Variants in MERTK observed in about 807,000 individuals in gnomAD.
The protein encoded by MERTK is MER proto-oncogene, tyrosine kinase.
Under a neutral mutation model 99.3 loss-of-function variants are expected in MERTK, and 69 were observed. The observed-to-expected ratio is 0.70, with a 90% CI of 0.57 to 0.85. MERTK has a LOEUF of 0.85. Among genes scored for constraint, MERTK ranks in the 40% least tolerant of loss-of-function variants. MERTK has a pLI of 0.00. For synonymous variants in MERTK, 426 were observed against 467.6 expected (o/e 0.91, Z 1.15); for missense variants, 1,125 against 1,249.4 (o/e 0.90, Z 1.50).
At chr2:111,963,626 C>G (rs1164554919) in intron 4 of MERTK, among the ~76,000 whole-genome samples, 3 of 152,216 alleles carry the variant, frequency 2.0e-5, no homozygotes, top group African/African-American at 7.2e-5. Context: ...AGCCCTTAAT[C>G]CATTTAACCC....
chr2:111,957,128 C>T (rs1041419942), intron 4 of MERTK, among the ~76,000 whole-genome samples: 1 of 151,766 alleles, frequency 6.6e-6, no homozygotes, highest in African/African-American at 2.4e-5. Flanking sequence ...GGGGTTTCAC[C>T]GTGTTAGCCA....
At chr2:111,988,420 G>A (rs558718066) in intron 8 of MERTK, among the ~76,000 whole-genome samples, 1 of 152,156 alleles carries the variant, frequency 6.6e-6, no homozygotes, top group Non-Finnish European at 1.5e-5. Context: ...GGTCAAATAA[G>A]CTTCTTGGTT....
chr2:111,944,083 A>G (rs1455325238), intron 2 of MERTK, among the ~76,000 whole-genome samples: 1 of 151,992 alleles, frequency 6.6e-6, no homozygotes. Context: ...TGGATCCCCT[A>G]AGGTCAGAAG....
At position 111,997,466 on chromosome 2, in the gene MERTK, A is replaced by G. The variant is rs866004183; in HGVS notation, c.1594A>G (p.Thr532Ala). ...GGCCATCAGAAAAAGAGTCCAGGAGACAAAGTTTGGGTAAGTCTCCCAGCT... is the reference window on the plus strand; with the variant it reads ...GGCCATCAGAAAAAGAGTCCAGGAGGCAAAGTTTGGGTAAGTCTCCCAGCT... Reference protein sequence around the residue: ...SLAIRKRVQETKFGNAFTEED... With the variant: ...SLAIRKRVQEAKFGNAFTEED... Residue 532 changes from threonine to alanine, a missense_variant, in exon 10 of 19, where the codon ACA becomes GCA. Transcript: ENST00000295408. The G allele has an allele frequency of 1.2e-6, 2 of 1,613,956 alleles. No homozygotes were observed. The highest frequency in any genetic ancestry group is 2.7e-5 in the African/African-American group (2 of 75,028).
rs1017027750 is a variant in MERTK, at chr2:111,907,799, A to G, written c.61+9003A>G. On this transcript the variant is annotated intron_variant, in intron 1 of 18. Transcript: ENST00000295408. ...TTTGTGATATAAACTGTAGAATGCA[A>G]CGCTCTTAAATATTCTGGCTGGGAA... Among the ~76,000 whole-genome samples, 5 of 152,368 alleles carry G rather than the reference A, an allele frequency of 3.3e-5. No individual in the cohort carries two copies. The South Asian group carries it at 6.2e-4, about 19-fold the overall frequency.
intron 2 of MERTK, among the ~76,000 whole-genome samples, chr2:111,935,978 G>A (rs529079618): frequency 2.4e-4 from 37 of 151,982 alleles, no homozygotes; most frequent in African/African-American, 8.0e-4. Flanking sequence ...GTGCAGTGGC[G>A]TAATCTCAGC....
intron 1 of MERTK, among the ~76,000 whole-genome samples, chr2:111,903,170 C>G (rs1194801393): frequency 6.6e-6 from 1 of 152,214 alleles, no homozygotes; most frequent in Non-Finnish European, 1.5e-5. Context: ...ACTGCTAACA[C>G]AGCATGGAGC....
intron 11 of MERTK, 111 bp from the exon 12 acceptor site, chr2:112,002,981 A>C: frequency 1.6e-6 from 1 of 639,682 alleles, no homozygotes; most frequent in East Asian, 3.3e-5. Flanking sequence ...TCAATAAATA[A>C]ATAAATAAAT....
At chr2:112,014,319 C>T (rs2104417161) in intron 15 of MERTK, among the ~76,000 whole-genome samples, 1 of 152,190 alleles carries the variant, frequency 6.6e-6, no homozygotes, top group African/African-American at 2.4e-5. Context: ...CCGTGCCCGG[C>T]CATGCCTGGC....
intron 18 of MERTK, among the ~76,000 whole-genome samples, chr2:112,025,533 C>A (rs576622977): frequency 5.9e-5 from 9 of 152,264 alleles, no homozygotes; most frequent in African/African-American, 2.2e-4. Flanking sequence ...ATTGATGTAT[C>A]CCTCCCTCCA....
At chr2:111,968,298 G>A in intron 6 of MERTK, 46 bp downstream of exon 6, 2 of 1,483,614 alleles carry the variant, frequency 1.3e-6, no homozygotes, top group Non-Finnish European at 1.9e-6. Flanking sequence ...GGTGCTCTCT[G>A]TGGGTTTAAG....
chr2:111,907,386 C>T (rs1207420463), intron 1 of MERTK, among the ~76,000 whole-genome samples: 2 of 152,198 alleles, frequency 1.3e-5, no homozygotes, highest in Non-Finnish European at 2.9e-5. Context: ...TGCACTCCAG[C>T]CTGGGCAATA....
intron 18 of MERTK, among the ~76,000 whole-genome samples, chr2:112,028,006 A>C (rs184645726): frequency 1.6e-4 from 25 of 152,326 alleles, no homozygotes; most frequent in African/African-American, 5.5e-4. Context: ...GTTCCAATAA[A>C]ACTTTATTTA....
intron 6 of MERTK, among the ~76,000 whole-genome samples, chr2:111,970,301 C>T (rs981339271): frequency 1.3e-5 from 2 of 151,818 alleles, no homozygotes; most frequent in Non-Finnish European, 2.9e-5. Flanking sequence ...GGACTACAGG[C>T]GGGTGCCACC....
At chr2:112,028,063 C>T (rs6723289) in intron 18 of MERTK, 43 of 444,062 alleles carry the variant, frequency 9.7e-5, no homozygotes, top group South Asian at 2.5e-4. Context: ...ATAGTTTGCC[C>T]GCCGCCATAT....
chr2:111,898,674 C>G lies in MERTK; in HGVS notation c.-62C>G. The G allele has an allele frequency of 6.4e-7, 1 of 1,560,254 alleles. No individual in the cohort carries two copies. Among genetic ancestry groups the G allele is most frequent in the Non-Finnish European group, 8.7e-7 (1 of 1,147,888 alleles). On this transcript the variant is annotated 5_prime_UTR_variant, in exon 1 of 19. Transcript: ENST00000295408. ...CTGGCGCGCTTGGCCGGCGACAGGA[C>G]AGGTTCGGGACGTCCATCTGTCCAT... is the stretch of plus-strand genomic sequence containing the variant.
chr2:112,028,610 ACAG>A lies in MERTK; in HGVS notation c.2750_2752del (p.Ala917del). On this transcript the variant is annotated inframe_deletion, in exon 19 of 19. Transcript: ENST00000295408. ...TCCCCGCGCTGCCATCAGTGTGGTCACAGCAGAAGTTCATGACAGCAAACCTCA... is the reference window on the plus strand; with the variant it reads ...TCCCCGCGCTGCCATCAGTGTGGTCACAGAAGTTCATGACAGCAAACCTCA... 2 of 1,614,204 alleles carry A rather than the reference ACAG, an allele frequency of 1.2e-6. No individual in the cohort carries two copies.
rs1055448281 is a variant in MERTK, at chr2:111,939,911, A to G, written c.483-5049A>G. On this transcript the variant is annotated intron_variant, in intron 2 of 18. Transcript: ENST00000295408. ...AATGTATGCATCTCCTCACACCACA[A>G]CAAAATTATCAGTACTGATATTCAT... Among the ~76,000 whole-genome samples, 8 of 151,712 alleles carry G rather than the reference A, an allele frequency of 5.3e-5. 1 individual carries two copies. The highest frequency in any genetic ancestry group is 2.6e-4 in the Admixed American group (4 of 15,242).
intron 4 of MERTK, among the ~76,000 whole-genome samples, chr2:111,963,930 G>A (rs138951829): frequency 6.6e-6 from 1 of 151,726 alleles, no homozygotes; most frequent in Non-Finnish European, 1.5e-5. Flanking sequence ...GGCCATAGAG[G>A]TGAAGTGACA....
Sources: gnomAD v4.1 joint callset for allele counts (sites outside exome capture counted in the v4.1 genomes callset) on GRCh38, gnomAD v4.1.1 for gene constraint, MANE v1.5 for transcripts, NCBI Gene and HGNC (gene_info 2026-07-23, HGNC 2026-07-21) for gene names.